TLN2: variants seen among roughly 807,000 people sequenced by gnomAD.
TLN2 encodes the protein talin 2.
In TLN2, 118 loss-of-function variants were observed where a neutral mutation model predicts 294.7. The observed-to-expected ratio is 0.40, with a 90% confidence interval of 0.34 to 0.47. The LOEUF is 0.47. Ranked by LOEUF, TLN2 falls within the 20% of genes least tolerant of loss-of-function variation. The pLI is 0.84. For synonymous variants in TLN2, 1,431 were observed against 1,304.5 expected, an observed-to-expected ratio of 1.10 and a Z score of -2.09; for missense variants, 3,083 against 3,282.2, an observed-to-expected ratio of 0.94 and a Z score of 1.48.
At chr15:62,501,518 C>T (rs2039305819) in intron 1 of TLN2, among the ~76,000 whole-genome samples, 1 of 152,168 alleles carries the variant, frequency 6.6e-6, no homozygotes, top group Admixed American at 6.5e-5. Context: ...CTCACACTGC[C>T]CCGGGAAAAC....
intron 1 of TLN2, among the ~76,000 whole-genome samples, chr15:62,565,302 A>G (rs1403637553): frequency 6.6e-6 from 1 of 152,226 alleles, no homozygotes; most frequent in Admixed American, 6.5e-5. Flanking sequence ...AAAGTCATCT[A>G]ACTTAGAAGA....
intron 27 of TLN2, 143 bp from the exon 28 acceptor site, chr15:62,726,944 A>G: frequency 2.5e-6 from 2 of 806,740 alleles, no homozygotes; most frequent in Non-Finnish European, 4.0e-6. Flanking sequence ...CTTCTCCTGT[A>G]CCACCCTGCT....
At chr15:62,422,219 C>CAAAAAA (rs386383227) in intron 1 of TLN2, among the ~76,000 whole-genome samples, 5 of 55,348 alleles carry the variant, frequency 9.0e-5, no homozygotes, top group Non-Finnish European at 1.6e-4. Context: ...AACTCTGTCT[C>CAAAAAA]AAAAAAAAAA....
intron 25 of TLN2, among the ~76,000 whole-genome samples, chr15:62,721,944 G>C (rs2060174902): frequency 3.9e-5 from 6 of 152,186 alleles, no homozygotes; most frequent in Admixed American, 3.9e-4. Context: ...TGAGGTGCGA[G>C]GTCATGTTAG....
chr15:62,713,135 G>A (rs2059528049), intron 22 of TLN2, among the ~76,000 whole-genome samples: 1 of 151,848 alleles, frequency 6.6e-6, no homozygotes, highest in Admixed American at 6.6e-5. Context: ...TGGGCATGGT[G>A]GTGTTCGCCT....
chr15:62,792,173 G>A (rs1020649580), intron 45 of TLN2, among the ~76,000 whole-genome samples: 8 of 152,036 alleles, frequency 5.3e-5, no homozygotes, highest in Non-Finnish European at 8.8e-5. Context: ...TGCTTAATAC[G>A]GAAACCACAT....
intron 1 of TLN2, among the ~76,000 whole-genome samples, chr15:62,449,137 CT>C (rs1262976924): frequency 6.6e-6 from 1 of 152,102 alleles, no homozygotes; most frequent in Admixed American, 6.6e-5. Flanking sequence ...TTTTCAAAAC[CT>C]GAAATGAAGT....
rs775166489 is a variant in TLN2, at chr15:62,647,274, G to T, written c.-36-1G>T. 2 of 1,588,118 alleles carry T rather than the reference G, an allele frequency of 1.3e-6. No homozygotes were observed. The highest frequency in any genetic ancestry group is 2.3e-5 in the East Asian group (1 of 44,332). On this transcript the variant is annotated splice_acceptor_variant, in intron 3 of 58. Coordinates refer to ENST00000636159, the MANE Select transcript of TLN2 (RefSeq NM_015059.3). LOFTEE classifies it low-confidence loss of function (5UTR_SPLICE). ...AGGGTTTGTCTCTTTGTGTTTTCCA[G>T]ACATTCTAAGTGAGACTGTCCACAT... is the stretch of plus-strand genomic sequence containing the variant.
At chr15:62,521,178 TG>T (rs2040439027) in intron 1 of TLN2, among the ~76,000 whole-genome samples, 1 of 151,984 alleles carries the variant, frequency 6.6e-6, no homozygotes, top group Non-Finnish European at 1.5e-5. Flanking sequence ...AGAATAGTTT[TG>T]TGGTGAATTG....
intron 1 of TLN2, among the ~76,000 whole-genome samples, chr15:62,569,131 G>T (rs957596038): frequency 2.0e-5 from 3 of 152,112 alleles, no homozygotes; most frequent in Admixed American, 1.3e-4. Flanking sequence ...CCTGTTCTTT[G>T]TGTTTTTTCT....
In TLN2 at chr15:62,797,208, G is replaced by A; in HGVS notation, c.6051-11G>A. 6.2e-7 allele frequency: 1 copy of A among 1,614,032 alleles called. No homozygotes were observed. Among genetic ancestry groups the A allele is most frequent in the Non-Finnish European group, 8.5e-7 (1 of 1,180,022 alleles). The stretch of plus-strand genomic sequence containing the variant: ...CTCTCCCCCTCTCCCCTGCCCTCCT[G>A]GCTCTCTCAGGGAGAACATTCTCAA... On this transcript the variant is annotated splice_polypyrimidine_tract_variant and intron_variant, in intron 47 of 58. Coordinates refer to ENST00000636159, the MANE Select transcript of TLN2 (RefSeq NM_015059.3).
chr15:62,702,005 C>T lies in TLN2; in HGVS notation c.1710C>T (p.Asp570=), dbSNP rs1293993946. The change falls in exon 18 of 59, where the codon GAC becomes GAT. Residue 570 remains aspartate, a synonymous_variant. Coordinates refer to ENST00000636159, the MANE Select transcript of TLN2 (RefSeq NM_015059.3). ...TTTCTGTGCCAGGTGACCCTGCAGA[C>T]ACTGACTACACAGCTGTGGGATGTG... ...VVNLTAGDPA[D]TDYTAVGCAI... 1.2e-6 allele frequency: 2 copies of T among 1,614,048 alleles called. No homozygotes were observed. Among genetic ancestry groups the T allele is most frequent in the African/African-American group, 1.3e-5 (1 of 74,950 alleles).
intron 39 of TLN2, among the ~76,000 whole-genome samples, chr15:62,762,968 C>G (rs1269585248): frequency 2.0e-5 from 3 of 152,198 alleles, no homozygotes; most frequent in Non-Finnish European, 4.4e-5. Flanking sequence ...AAAGACATCC[C>G]CAAGTAGATA....
chr15:62,781,121 C>A lies in TLN2; in HGVS notation c.5515-19C>A, dbSNP rs1427526581. On this transcript the variant is annotated intron_variant, in intron 43 of 58. Transcript: ENST00000636159. ...GCAGGCTTCTTATGACCTTTGGATTCTTTTCCTCTCCTCTGTAGCTGGATG... is the reference window on the plus strand; with the variant it reads ...GCAGGCTTCTTATGACCTTTGGATTATTTTCCTCTCCTCTGTAGCTGGATG... 3 of 1,600,556 alleles carry A rather than the reference C, an allele frequency of 1.9e-6. No individual in the cohort carries two copies. Among genetic ancestry groups the A allele is most frequent in the Non-Finnish European group, 2.6e-6 (3 of 1,167,778 alleles).
At chr15:62,698,425 G>A (rs182856208) in intron 15 of TLN2, among the ~76,000 whole-genome samples, 6 of 152,330 alleles carry the variant, frequency 3.9e-5, no homozygotes, top group African/African-American at 9.6e-5. Flanking sequence ...TTTCCTGTGC[G>A]TGAGGAGGTC....
intron 1 of TLN2, among the ~76,000 whole-genome samples, chr15:62,435,676 G>A (rs1241600303): frequency 1.3e-5 from 2 of 152,134 alleles, no homozygotes; most frequent in African/African-American, 2.4e-5. Context: ...CAAGTAGCTG[G>A]GATTACAGGC....
chr15:62,630,132 A>G (rs1654246939), intron 3 of TLN2, among the ~76,000 whole-genome samples: 1 of 21,642 alleles, frequency 4.6e-5, no homozygotes, highest in Non-Finnish European at 1.2e-4. Flanking sequence ...TTCTGTAACT[A>G]TTGGAAAAAC....
rs150254926 is a variant in TLN2 at position 62,703,669 on chromosome 15, T to G, written c.2004+805T>G. On this transcript the variant is annotated intron_variant, in intron 19 of 58. Transcript: ENST00000636159. ...CACACACAGAGAAAGAGAGAGAGAA[T>G]TTCCTTTGTACTCAGAGGTGGTTTA... Among the ~76,000 whole-genome samples the G allele has an allele frequency of 3.0e-3, 451 of 150,706 alleles. 3 individuals are homozygous for G. Among genetic ancestry groups the G allele is most frequent in the Non-Finnish European group, 3.9e-3 (263 of 67,740 alleles).
intron 52 of TLN2, among the ~76,000 whole-genome samples, chr15:62,811,448 A>C (rs1181399508): frequency 2.6e-5 from 4 of 152,338 alleles, no homozygotes; most frequent in African/African-American, 9.6e-5. Flanking sequence ...TAACACCAGC[A>C]AGGCTTTCCA....
Sources: allele counts gnomAD v4.1 joint callset (sites outside exome capture counted in the v4.1 genomes callset), GRCh38; gene constraint gnomAD v4.1.1; transcripts MANE v1.5; gene names NCBI Gene and HGNC (gene_info 2026-07-23, HGNC 2026-07-21).